The following STK10 variants were observed in gnomAD, a reference collection of about 807,000 sequenced individuals.
The protein encoded by STK10 is serine/threonine-protein kinase 10.
In STK10, 78 loss-of-function variants were observed where a neutral mutation model predicts 113.8. The ratio of observed to expected loss-of-function variants is 0.69; its 90% CI spans 0.57 to 0.83. The LOEUF (loss-of-function observed/expected upper bound fraction) is 0.83, where lower values mean the gene tolerates loss of function less well. Among genes scored for constraint, STK10 ranks in the 40% least tolerant of loss-of-function variants. STK10 has a pLI of 0.00. For missense variants in STK10, 1,109 were observed against 1,280.1 expected (o/e 0.87, Z 2.04); for synonymous variants, 465 against 494.7 (o/e 0.94, Z 0.80).
intron 1 of STK10, among the ~76,000 whole-genome samples, chr5:172,178,672 G>A (rs1770800526): frequency 6.6e-6 from 1 of 152,208 alleles, no homozygotes. Flanking sequence ...GGACACAGTG[G>A]CTAAATGGCA....
intron 18 of STK10, among the ~76,000 whole-genome samples, chr5:172,048,022 C>A (rs1170886088): frequency 2.0e-5 from 3 of 151,526 alleles, no homozygotes; most frequent in African/African-American, 4.9e-5. Context: ...CCTGCCTCAG[C>A]CCCCCATGTA....
In STK10 at chr5:172,065,602, G is replaced by A. The variant is rs956791091; in HGVS notation, c.1990-790C>T. On this transcript the variant is annotated intron_variant, in intron 12 of 18. Transcript: ENST00000176763. ...TGACATCCCTACCCCCGCTGGCCCT[G>A]GGCTGAGCATCTGATCCAGGCTGGC... Among the ~76,000 whole-genome samples the A allele has an allele frequency of 3.9e-5, 6 of 152,082 alleles. No individual in the cohort carries two copies. The South Asian group carries it at 8.3e-4, about 21-fold the overall frequency.
At chr5:172,156,133 A>C (rs971003888) in intron 2 of STK10, among the ~76,000 whole-genome samples, 1 of 152,196 alleles carries the variant, frequency 6.6e-6, no homozygotes, top group African/African-American at 2.4e-5. Context: ...ATCGAGAAGG[A>C]TCTCCATGTA....
intron 12 of STK10, among the ~76,000 whole-genome samples, chr5:172,067,030 G>A (rs1001625087): frequency 2.0e-5 from 3 of 152,058 alleles, no homozygotes; most frequent in African/African-American, 4.8e-5. Flanking sequence ...ATTATAATAC[G>A]GACCCACAGT....
At chr5:172,090,146 C>T in intron 10 of STK10, 86 bp downstream of exon 10, 6 of 1,548,534 alleles carry the variant, frequency 3.9e-6, no homozygotes, top group Non-Finnish European at 5.3e-6. Flanking sequence ...TGTAGACAGA[C>T]AGCCCTCTCA....
chr5:172,128,948 T>C (rs1436266162), intron 2 of STK10, among the ~76,000 whole-genome samples: 1 of 152,180 alleles, frequency 6.6e-6, no homozygotes, highest in Non-Finnish European at 1.5e-5. Context: ...CCTGGCAATG[T>C]AAATATGACC....
At chr5:172,150,500 A>G (rs1305247631) in intron 2 of STK10, among the ~76,000 whole-genome samples, 1 of 151,830 alleles carries the variant, frequency 6.6e-6, no homozygotes, top group African/African-American at 2.4e-5. Flanking sequence ...AAAAAAAGAA[A>G]GAAAGAAGAA....
At chr5:172,165,268 C>G (rs1770548319) in intron 1 of STK10, among the ~76,000 whole-genome samples, 1 of 152,154 alleles carries the variant, frequency 6.6e-6, no homozygotes, top group South Asian at 2.1e-4. Flanking sequence ...ATTAGCCACC[C>G]CTCCTTAACT....
intron 7 of STK10, among the ~76,000 whole-genome samples, chr5:172,100,079 A>C (rs1768953654): frequency 6.6e-6 from 1 of 152,240 alleles, no homozygotes; most frequent in African/African-American, 2.4e-5. Context: ...GATTAGGCCC[A>C]AACACTGTTT....
intron 17 of STK10, 118 bp downstream of exon 17, chr5:172,054,451 C>T (rs1767700371): frequency 1.4e-6 from 2 of 1,447,568 alleles, no homozygotes; most frequent in Non-Finnish European, 1.9e-6. Context: ...ACCATCCATC[C>T]CGGGCGTGTC....
chr5:172,057,358 C>T lies in STK10; in HGVS notation c.2328G>A (p.Lys776=), dbSNP rs1416460600. Residue 776 remains lysine (K), a synonymous_variant, in exon 15 of 19, where the codon AAG becomes AAA. Coordinates refer to ENST00000176763, the MANE Select transcript of STK10 (RefSeq NM_005990.4). ...YFLQRHELLR[K]HEKEREQMQR... Reference sequence around the variant, plus strand: ...CCACCGGCAGCCTCACCTTCTCATGCTTGCGCAGCAGCTCGTGCCGCTGGA... The same window carrying T: ...CCACCGGCAGCCTCACCTTCTCATGTTTGCGCAGCAGCTCGTGCCGCTGGA... 1 of 1,577,948 alleles carries T rather than the reference C, an allele frequency of 6.3e-7. No homozygotes were observed.
intron 9 of STK10, chr5:172,092,687 A>C (rs1768745548): frequency 1.3e-5 from 2 of 152,224 alleles, no homozygotes; most frequent in African/African-American, 4.8e-5. Context: ...TATTTCCTCT[A>C]AAATGAGCTT....
At chr5:172,136,597 AAAATAAATAAATAAAT>A (rs58897747) in intron 2 of STK10, among the ~76,000 whole-genome samples, 1 of 151,128 alleles carries the variant, frequency 6.6e-6, no homozygotes, top group Non-Finnish European at 1.5e-5. Context: ...ACTCCGTCTC[AAAATAAATAAATAAAT>A]AAATAAATAA....
intron 2 of STK10, among the ~76,000 whole-genome samples, chr5:172,138,569 T>C (rs1046074078): frequency 3.3e-5 from 5 of 152,104 alleles, no homozygotes; most frequent in Non-Finnish European, 7.4e-5. Flanking sequence ...ATACTAACAA[T>C]GAATAAACAA....
At chr5:172,065,896 T>C (rs1371905488) in intron 12 of STK10, among the ~76,000 whole-genome samples, 6 of 152,198 alleles carry the variant, frequency 3.9e-5, no homozygotes, top group African/African-American at 1.4e-4. Context: ...CCTGCCCTCC[T>C]GGTCAGACGC....
At chr5:172,159,788 AT>A (rs1352299718) in intron 1 of STK10, among the ~76,000 whole-genome samples, 1 of 151,888 alleles carries the variant, frequency 6.6e-6, no homozygotes, top group Non-Finnish European at 1.5e-5. Flanking sequence ...GCACCACTGC[AT>A]CCCAGACTAG....
chr5:172,179,882 G>A (rs10072738), intron 1 of STK10, among the ~76,000 whole-genome samples: 1,654 of 152,216 alleles, frequency 0.011, 39 homozygotes, highest in African/African-American at 0.037. Flanking sequence ...GCTCAGGGAC[G>A]GGCAAGACGG....
intron 1 of STK10, among the ~76,000 whole-genome samples, chr5:172,167,343 A>G (rs1770591360): frequency 6.6e-6 from 1 of 152,166 alleles, no homozygotes; most frequent in South Asian, 2.1e-4. Flanking sequence ...ATGAGAAAAA[A>G]TCCTTAAGCC....
At chr5:172,148,951 G>A (rs567209692) in intron 2 of STK10, among the ~76,000 whole-genome samples, 6 of 152,300 alleles carry the variant, frequency 3.9e-5, no homozygotes, top group South Asian at 2.1e-4. Context: ...TTTGGGAGGC[G>A]GAGGGAGGCA....
Sources: allele counts gnomAD v4.1 joint callset (sites outside exome capture counted in the v4.1 genomes callset), GRCh38; gene constraint gnomAD v4.1.1; transcripts MANE v1.5; gene names NCBI Gene and HGNC (gene_info 2026-07-23, HGNC 2026-07-21).